Variants in C16orf74 observed in about 807,000 individuals in gnomAD.
C16orf74 encodes the protein uncharacterized protein C16orf74.
A neutral mutation model predicts 6.5 loss-of-function variants in C16orf74; 10 were observed. The observed-to-expected ratio is 1.54, with a 90% CI of 0.95 to 2.61. The LOEUF is 2.61. Ranked by LOEUF, C16orf74 falls within the 30% of genes most tolerant of loss-of-function variation. The pLI is 0.00. For synonymous variants in C16orf74, 60 were observed against 42.5 expected, an observed-to-expected ratio of 1.41 and a Z score of -1.60; for missense variants, 141 against 105.9, an observed-to-expected ratio of 1.33 and a Z score of -1.45.
At chr16:85,745,502 C>G (rs1306212462) in intron 1 of C16orf74, among the ~76,000 whole-genome samples, 5 of 152,252 alleles carry the variant, frequency 3.3e-5, no homozygotes, top group Non-Finnish European at 5.9e-5. Flanking sequence ...TTCATAAAGT[C>G]AAAAGCAACC....
chr16:85,746,178 C>T (rs981955811), intron 1 of C16orf74, among the ~76,000 whole-genome samples: 9 of 152,042 alleles, frequency 5.9e-5, no homozygotes, highest in Admixed American at 2.0e-4. Context: ...GATGACACCC[C>T]GTCTCTACTA....
At chr16:85,730,281 C>A (rs1406193496) in intron 2 of C16orf74, among the ~76,000 whole-genome samples, 1 of 152,152 alleles carries the variant, frequency 6.6e-6, no homozygotes, top group Non-Finnish European at 1.5e-5. Context: ...CTCGGAGCTG[C>A]CTCCCTAGAG....
chr16:85,727,230 A>T (rs1044648942), intron 2 of C16orf74, among the ~76,000 whole-genome samples: 1 of 152,168 alleles, frequency 6.6e-6, no homozygotes, highest in African/African-American at 2.4e-5. Context: ...GGCCATATGG[A>T]GGGATTCTGG....
In C16orf74 at chr16:85,726,338, G is replaced by A. The variant is rs559092910; in HGVS notation, c.28+8852C>T. On this transcript the variant is annotated intron_variant, in intron 2 of 3. Transcript: ENST00000284245. ...CAGCAGGTACTCAGTACATGTTTGT[G>A]TGGAGTTGCCCGGGACACACTCTCC... Among the ~76,000 whole-genome samples the A allele has an allele frequency of 2.6e-5, 4 of 152,348 alleles. No homozygotes were observed. The East Asian group carries it at 5.8e-4, about 22-fold the overall frequency.
intron 2 of C16orf74, among the ~76,000 whole-genome samples, chr16:85,724,559 A>G (rs1434946647): frequency 6.6e-6 from 1 of 152,072 alleles, no homozygotes; most frequent in Non-Finnish European, 1.5e-5. Context: ...GGATGAAAGG[A>G]GATGGAGGGA....
chr16:85,739,884 A>C (rs2054283921), intron 1 of C16orf74, among the ~76,000 whole-genome samples: 1 of 152,144 alleles, frequency 6.6e-6, no homozygotes, highest in Non-Finnish European at 1.5e-5. Flanking sequence ...AAGTTTTCTG[A>C]TTCTGATTAT....
At chr16:85,722,663 A>C (rs2054094592) in intron 2 of C16orf74, among the ~76,000 whole-genome samples, 1 of 152,094 alleles carries the variant, frequency 6.6e-6, no homozygotes, top group Non-Finnish European at 1.5e-5. Context: ...CTCCGACAGC[A>C]GCAACATGCT....
At chr16:85,710,645 C>G (rs1049718792) in intron 2 of C16orf74, 1 of 270,670 alleles carries the variant, frequency 3.7e-6, no homozygotes, top group South Asian at 5.5e-5. Context: ...CCACTCTCCA[C>G]AGCGCTCCAG....
chr16:85,726,716 C>T (rs543778470), intron 2 of C16orf74, among the ~76,000 whole-genome samples: 15 of 152,278 alleles, frequency 9.9e-5, no homozygotes, highest in African/African-American at 3.4e-4. Context: ...GTGGAATGAA[C>T]GTTTTTCTCA....
chr16:85,749,974 C>G (rs1220653062), intron 1 of C16orf74, among the ~76,000 whole-genome samples: 1 of 152,190 alleles, frequency 6.6e-6, no homozygotes, highest in Admixed American at 6.5e-5. Flanking sequence ...GAGGGCGTGG[C>G]CTGCACAGGT....
intron 2 of C16orf74, among the ~76,000 whole-genome samples, chr16:85,731,461 G>A (rs557403911): frequency 6.6e-6 from 1 of 152,306 alleles, no homozygotes; most frequent in East Asian, 1.9e-4. Flanking sequence ...GGAAACAGGT[G>A]GGTGGGTCTG....
At chr16:85,744,707 G>A (rs575137311) in intron 1 of C16orf74, among the ~76,000 whole-genome samples, 5 of 151,870 alleles carry the variant, frequency 3.3e-5, no homozygotes, top group African/African-American at 1.2e-4. Context: ...GCAGGCGCCT[G>A]TAGTCTCAGC....
At chr16:85,744,556 T>C (rs970398144) in intron 1 of C16orf74, among the ~76,000 whole-genome samples, 3 of 152,136 alleles carry the variant, frequency 2.0e-5, no homozygotes, top group Non-Finnish European at 4.4e-5. Flanking sequence ...AGCAGCCAGA[T>C]GCGGTGGCTC....
At chr16:85,747,280 G>T (rs765787331) in intron 1 of C16orf74, among the ~76,000 whole-genome samples, 1 of 152,086 alleles carries the variant, frequency 6.6e-6, no homozygotes, top group Non-Finnish European at 1.5e-5. Flanking sequence ...GTGAAATCCT[G>T]TCTCCACAGA....
chr16:85,729,157 C>A (rs551233121), intron 2 of C16orf74, among the ~76,000 whole-genome samples: 343 of 152,364 alleles, frequency 2.3e-3, no homozygotes, highest in Non-Finnish European at 3.8e-3. Flanking sequence ...GGAGCCAACC[C>A]CTCCTAACTG....
chr16:85,726,252 G>A (rs1219624438), intron 2 of C16orf74, among the ~76,000 whole-genome samples: 1 of 152,180 alleles, frequency 6.6e-6, no homozygotes, highest in East Asian at 1.9e-4. Flanking sequence ...TCTCCCCCAT[G>A]GACAGGAGCT....
At chr16:85,739,983 G>A (rs551832680) in intron 1 of C16orf74, among the ~76,000 whole-genome samples, 76 of 151,848 alleles carry the variant, frequency 5.0e-4, no homozygotes, top group Non-Finnish European at 9.6e-4. Flanking sequence ...GCCGAGGCGG[G>A]TGGATCGCCT....
At chr16:85,721,922 C>T (rs1467520045) in intron 2 of C16orf74, among the ~76,000 whole-genome samples, 2 of 149,998 alleles carry the variant, frequency 1.3e-5, no homozygotes, top group Non-Finnish European at 3.0e-5. Context: ...AGGGGGTTAT[C>T]AGCGCTAACA....
At chr16:85,716,659 A>G (rs78407076) in intron 2 of C16orf74, among the ~76,000 whole-genome samples, 1,375 of 127,016 alleles carry the variant, frequency 0.011, 23 homozygotes, top group African/African-American at 0.039. Context: ...GCAGAGGGAG[A>G]AGGAGGAGGA....
Sources: allele counts gnomAD v4.1 joint callset (sites outside exome capture counted in the v4.1 genomes callset), GRCh38; gene constraint gnomAD v4.1.1; transcripts MANE v1.5; gene names NCBI Gene and HGNC (gene_info 2026-07-23, HGNC 2026-07-21).